Variants in PPP1R1C observed in about 807,000 individuals in gnomAD.
PPP1R1C encodes the protein protein phosphatase 1 regulatory inhibitor subunit 1C.
PPP1R1C carries 15 observed loss-of-function variants against 17.4 expected under a neutral mutation model. The observed-to-expected ratio is 0.86, with a 90% CI of 0.58 to 1.33. PPP1R1C has a LOEUF of 1.33. PPP1R1C is among the 40% of genes most tolerant of loss of function. The pLI is 0.00. For missense variants in PPP1R1C, 143 were observed against 130.0 expected (o/e 1.10, Z -0.48); for synonymous variants, 35 against 43.1 (o/e 0.81, Z 0.73).
At chr2:182,025,856 C>G (rs1252383713) in intron 2 of PPP1R1C, among the ~76,000 whole-genome samples, 5 of 144,850 alleles carry the variant, frequency 3.5e-5, no homozygotes, top group Admixed American at 2.7e-4. Context: ...TTCTCCACAT[C>G]CTCTCCAGCA....
intron 4 of PPP1R1C, among the ~76,000 whole-genome samples, chr2:182,104,673 G>T (rs941433534): frequency 2.0e-5 from 3 of 152,088 alleles, no homozygotes; most frequent in African/African-American, 7.2e-5. Context: ...GTTTATTTAG[G>T]TGAGGATTTT....
At chr2:181,963,973 T>C (rs1684856351) in intron 1 of PPP1R1C, among the ~76,000 whole-genome samples, 1 of 152,224 alleles carries the variant, frequency 6.6e-6, no homozygotes, top group African/African-American at 2.4e-5. Context: ...AATTCAATTA[T>C]AACTTTTAGT....
At chr2:182,076,386 A>C (rs1226033971) in intron 4 of PPP1R1C, among the ~76,000 whole-genome samples, 2 of 150,272 alleles carry the variant, frequency 1.3e-5, no homozygotes, top group East Asian at 1.9e-4. Flanking sequence ...ATGAACTTCT[A>C]TAATAGAAAA....
chr2:182,062,542 G>A (rs911096957), intron 3 of PPP1R1C, among the ~76,000 whole-genome samples: 1 of 152,068 alleles, frequency 6.6e-6, no homozygotes, highest in Non-Finnish European at 1.5e-5. Flanking sequence ...GTCTACACCT[G>A]TGCATAGTAT....
chr2:182,069,819 A>C (rs1688091562), intron 4 of PPP1R1C, among the ~76,000 whole-genome samples: 1 of 152,230 alleles, frequency 6.6e-6, no homozygotes, highest in South Asian at 2.1e-4. Flanking sequence ...GAAAAAGATA[A>C]ACTTTTGCAT....
Position 181,961,128 on chromosome 2 carries a change from C to A in PPP1R1C, n.111+6494C>A. 3 of 605,604 alleles carry A rather than the reference C, an allele frequency of 5.0e-6. No homozygotes were observed. Among genetic ancestry groups the A allele is most frequent in the Admixed American group, 5.0e-5 (2 of 40,088 alleles). 37.5% of individuals were successfully genotyped at this position (605,604 alleles called of 1,614,324 possible). On this transcript the variant is annotated intron_variant and non_coding_transcript_variant, in intron 1 of 5. Coordinates refer to the PPP1R1C transcript ENST00000464264. The surrounding 1 kb of genome is among the most constrained non-coding windows in gnomAD (Gnocchi z 5.8). ...AGCAGTTTTCTTGTCTTCCTTCCCTCCCTTCCTTCCTTCCTTTCACCTCTG... is the reference window on the plus strand; with the variant it reads ...AGCAGTTTTCTTGTCTTCCTTCCCTACCTTCCTTCCTTCCTTTCACCTCTG...
chr2:182,042,993 T>G (rs1166030790), intron 2 of PPP1R1C, among the ~76,000 whole-genome samples: 1 of 152,176 alleles, frequency 6.6e-6, no homozygotes, highest in Non-Finnish European at 1.5e-5. Flanking sequence ...GTTTAAAAAC[T>G]TTCTCCTTAA....
chr2:182,043,098 G>A (rs918607381), intron 2 of PPP1R1C, among the ~76,000 whole-genome samples: 45 of 152,042 alleles, frequency 3.0e-4, no homozygotes, highest in African/African-American at 1.1e-3. Context: ...CATTAGAAAA[G>A]CAAAAGAGCA....
intron 1 of PPP1R1C, chr2:181,954,707 A>C (rs555382279): frequency 7.9e-5 from 12 of 152,284 alleles, no homozygotes; most frequent in African/African-American, 2.6e-4. Context: ...CTAAACAGAA[A>C]CAGACTTCCA....
In PPP1R1C at chr2:182,030,701, C is replaced by CA. The variant is rs1453722173; in HGVS notation, c.143-30740dup. Among the ~76,000 whole-genome samples, 3 of 150,272 alleles carry CA rather than the reference C, an allele frequency of 2.0e-5. No individual in the cohort carries two copies. The East Asian group carries it at 5.9e-4, about 29-fold the overall frequency. ...GCCCTGCCCCCAGAGGTGGAGCCTACAGAGGCAGGCAGGCCTCCTTGAGCT... is the reference window on the plus strand; with the variant it reads ...GCCCTGCCCCCAGAGGTGGAGCCTACAAGAGGCAGGCAGGCCTCCTTGAGCT... On this transcript the variant is annotated intron_variant, in intron 2 of 4. Coordinates refer to ENST00000682840, the MANE Select transcript of PPP1R1C (RefSeq NM_001080545.3).
downstream of PPP1R1C, chr2:182,130,563 C>T (rs900838613): frequency 2.0e-5 from 3 of 152,166 alleles, no homozygotes; most frequent in Admixed American, 6.5e-5. Flanking sequence ...TTGAACATCT[C>T]TTTAATAATT....
At chr2:182,065,308 T>G (rs1405987504) in intron 4 of PPP1R1C, among the ~76,000 whole-genome samples, 1 of 152,078 alleles carries the variant, frequency 6.6e-6, no homozygotes, top group African/African-American at 2.4e-5. Context: ...CTGCTTATGA[T>G]AAAAGAAAAG....
intron 2 of PPP1R1C, among the ~76,000 whole-genome samples, chr2:181,988,597 T>A (rs200442568): frequency 1.3e-5 from 2 of 152,160 alleles, no homozygotes; most frequent in East Asian, 3.8e-4. Context: ...ACAAGTAGGA[T>A]AGGAAAGGTC....
intron 4 of PPP1R1C, among the ~76,000 whole-genome samples, chr2:182,102,948 A>G (rs1352425868): frequency 6.6e-6 from 1 of 152,054 alleles, no homozygotes; most frequent in Non-Finnish European, 1.5e-5. Flanking sequence ...CTGAGACTAC[A>G]GGTACACACC....
At chr2:181,989,502 T>C (rs1574356121) in intron 2 of PPP1R1C, among the ~76,000 whole-genome samples, 1 of 152,288 alleles carries the variant, frequency 6.6e-6, no homozygotes, top group Admixed American at 6.5e-5. Flanking sequence ...TTGCACTACA[T>C]GGTGAAGGCT....
chr2:181,958,007 G>A (rs1684699497), intron 1 of PPP1R1C, among the ~76,000 whole-genome samples: 1 of 152,230 alleles, frequency 6.6e-6, no homozygotes, highest in African/African-American at 2.4e-5. Context: ...TTGAAGGGTA[G>A]TGAGGGAAAG....
intron 4 of PPP1R1C, among the ~76,000 whole-genome samples, chr2:182,088,485 A>T (rs149865125): frequency 6.6e-6 from 1 of 152,218 alleles, no homozygotes; most frequent in East Asian, 1.9e-4. Flanking sequence ...TGCTCATCTA[A>T]GCAGCCCCAT....
chr2:182,108,769 C>A (rs1043874414), intron 4 of PPP1R1C, among the ~76,000 whole-genome samples: 19 of 152,148 alleles, frequency 1.2e-4, no homozygotes, highest in Admixed American at 2.0e-4. Flanking sequence ...AGTTTTCCAG[C>A]AAATACTATT....
chr2:182,008,881 T>A (rs910756793), intron 2 of PPP1R1C, among the ~76,000 whole-genome samples: 1 of 152,180 alleles, frequency 6.6e-6, no homozygotes, highest in Non-Finnish European at 1.5e-5. Context: ...AGCGGGAACA[T>A]GTGAAGCTTG....
Sources: gnomAD v4.1 joint callset for allele counts (sites outside exome capture counted in the v4.1 genomes callset) on GRCh38, gnomAD v4.1.1 for gene constraint, Gnocchi (gnomAD v3.1) non-coding constraint, MANE v1.5 for transcripts, NCBI Gene and HGNC (gene_info 2026-07-23, HGNC 2026-07-21) for gene names.